ADGB: variants seen among roughly 807,000 people sequenced by gnomAD.
ADGB encodes the protein androglobin, also known as calpain-7-like protein.
ADGB carries 172 observed loss-of-function variants against 210.5 expected under a neutral mutation model. The observed-to-expected ratio is 0.82, with a 90% CI of 0.72 to 0.93. ADGB has a LOEUF of 0.93. Ranked by LOEUF, ADGB falls within the 40% of genes least tolerant of loss-of-function variation. ADGB has a pLI of 0.00. For missense variants in ADGB, 2,025 were observed against 1,964.8 expected (o/e 1.03, Z -0.58); for synonymous variants, 658 against 662.7 (o/e 0.99, Z 0.11).
intron 9 of ADGB, among the ~76,000 whole-genome samples, chr6:146,685,008 T>C (rs953148748): frequency 1.3e-5 from 2 of 152,058 alleles, no homozygotes; most frequent in African/African-American, 4.8e-5. Context: ...TATTCTTTTG[T>C]AAACATAGTA....
intron 27 of ADGB, among the ~76,000 whole-genome samples, chr6:146,758,462 T>G (rs1777441512): frequency 6.6e-6 from 1 of 152,070 alleles, no homozygotes. Flanking sequence ...GTTTATAGTT[T>G]GTCATCTAGT....
chr6:146,660,834 T>C (rs945959216), intron 5 of ADGB, among the ~76,000 whole-genome samples: 5 of 152,222 alleles, frequency 3.3e-5, no homozygotes, highest in African/African-American at 9.6e-5. Flanking sequence ...ACTCTTGTAT[T>C]TTAATTTGTC....
intron 3 of ADGB, among the ~76,000 whole-genome samples, chr6:146,649,362 A>C (rs1157411056): frequency 6.6e-6 from 1 of 152,136 alleles, no homozygotes; most frequent in Non-Finnish European, 1.5e-5. Context: ...GGCTGGGTTG[A>C]TAGTCTCACA....
chr6:146,801,232 A>G lies in ADGB; in HGVS notation c.4587A>G (p.Arg1529=). Residue 1529 remains arginine (R), a synonymous_variant, in exon 34 of 36, where the codon CGA becomes CGG. Transcript: ENST00000397944. The part of the protein sequence containing the change: ...RSPTILETSP[R]LIRKALEFMD... ...CAACAATTTTGGAAACATCTCCACG[A>G]CTTATTCGAAAAGCACTAGAATTTA... 6.6e-7 allele frequency: 1 copy of G among 1,515,298 alleles called. No individual in the cohort carries two copies. Among genetic ancestry groups the G allele is most frequent in the Middle Eastern group, 1.7e-4 (1 of 5,892 alleles). 93.9% of individuals were successfully genotyped at this position (1,515,298 alleles called of 1,614,324 possible). A position where few individuals can be genotyped will look rare whatever the true frequency, so the allele number is the denominator to read the frequency against.
intron 29 of ADGB, among the ~76,000 whole-genome samples, chr6:146,781,594 A>G (rs1192409590): frequency 1.3e-5 from 2 of 152,118 alleles, no homozygotes; most frequent in Non-Finnish European, 2.9e-5. Flanking sequence ...AAAAAACTAG[A>G]AAACTAGAAA....
In ADGB at chr6:146,650,213, C is replaced by A. The variant is rs557962557; in HGVS notation, c.331-3922C>A. 7.9e-5 allele frequency among the ~76,000 whole-genome samples: 12 copies of A among 152,164 alleles called. No homozygotes were observed. The South Asian group carries it at 2.5e-3, about 32-fold the overall frequency. ...TTAAAAACATGTTTTATCCTTTTGT[C>A]TTCTGTTTTAAATGAGTTTCCAATG... On this transcript the variant is annotated intron_variant, in intron 3 of 35. Transcript: ENST00000397944.
At chr6:146,732,114 G>A (rs1160601588) in intron 20 of ADGB, among the ~76,000 whole-genome samples, 1 of 152,074 alleles carries the variant, frequency 6.6e-6, no homozygotes, top group Non-Finnish European at 1.5e-5. Flanking sequence ...TATATATTAG[G>A]ACCAACATGT....
At chr6:146,744,397 A>G (rs1396519720) in intron 25 of ADGB, among the ~76,000 whole-genome samples, 3 of 152,180 alleles carry the variant, frequency 2.0e-5, no homozygotes, top group Non-Finnish European at 2.9e-5. Context: ...CCTGCCCGAA[A>G]TTCATAAACA....
At chr6:146,804,505 C>A (rs1301315980) in intron 35 of ADGB, among the ~76,000 whole-genome samples, 1 of 152,112 alleles carries the variant, frequency 6.6e-6, no homozygotes, top group African/African-American at 2.4e-5. Flanking sequence ...TTCTCCATCT[C>A]GGTCAATACC....
chr6:146,718,962 G>A (rs1583604430), intron 16 of ADGB, among the ~76,000 whole-genome samples: 1 of 152,160 alleles, frequency 6.6e-6, no homozygotes, highest in South Asian at 2.1e-4. Flanking sequence ...ATTGGGAATA[G>A]TTTAACCCAG....
intron 12 of ADGB, among the ~76,000 whole-genome samples, chr6:146,695,588 G>T (rs1032203674): frequency 6.6e-6 from 1 of 151,652 alleles, no homozygotes; most frequent in Admixed American, 6.6e-5. Context: ...ATGGGGCTAT[G>T]TAAAATTTTT....
intron 28 of ADGB, among the ~76,000 whole-genome samples, chr6:146,766,597 T>C (rs1319453305): frequency 2.0e-5 from 3 of 151,974 alleles, no homozygotes; most frequent in Admixed American, 2.0e-4. Context: ...AATAATAAAA[T>C]TGAAACGATA....
At chr6:146,713,397 T>G (rs577652830) in intron 13 of ADGB, among the ~76,000 whole-genome samples, 3 of 149,972 alleles carry the variant, frequency 2.0e-5, no homozygotes, top group African/African-American at 7.6e-5. Context: ...TTACCAACAT[T>G]TATTATTTTC....
rs139344150 is a variant in ADGB at position 146,794,553 on chromosome 6, T to C, written c.4537+5943T>C. Among the ~76,000 whole-genome samples the C allele has an allele frequency of 3.7e-3, 569 of 152,278 alleles. 2 individuals carry two copies. Among genetic ancestry groups the C allele is most frequent in the Non-Finnish European group, 6.9e-3 (469 of 68,034 alleles). On this transcript the variant is annotated intron_variant, in intron 33 of 35. Coordinates refer to ENST00000397944, the MANE Select transcript of ADGB (RefSeq NM_024694.4). Reference sequence around the variant, plus strand: ...TGAATGAGTTATAACTTCTAACAAATTATAAATTAAGCAATTTTCAATATT... The same window carrying C: ...TGAATGAGTTATAACTTCTAACAAACTATAAATTAAGCAATTTTCAATATT...
At chr6:146,742,180 C>T (rs73786728) in intron 25 of ADGB, among the ~76,000 whole-genome samples, 3,233 of 151,956 alleles carry the variant, frequency 0.021, 105 homozygotes, top group African/African-American at 0.073. Flanking sequence ...AAAATAAGGG[C>T]AATTAAATTT....
chr6:146,807,406 C>T (rs547397266), intron 35 of ADGB: 489 of 1,551,138 alleles, frequency 3.2e-4, no homozygotes, highest in Non-Finnish European at 4.1e-4. Context: ...GAACAGGACT[C>T]CTTAGATGAA....
At chr6:146,745,752 GCTTT>G (rs1232006743) in intron 25 of ADGB, among the ~76,000 whole-genome samples, 166 bp from the exon 26 acceptor site, 1 of 152,170 alleles carries the variant, frequency 6.6e-6, no homozygotes, top group Non-Finnish European at 1.5e-5. Flanking sequence ...GTAGGATAGT[GCTTT>G]CTAAGAGAAA....
At chr6:146,772,704 T>C (rs1445899487) in intron 29 of ADGB, among the ~76,000 whole-genome samples, 1 of 150,302 alleles carries the variant, frequency 6.7e-6, no homozygotes, top group African/African-American at 2.4e-5. Context: ...TAAATACCTG[T>C]GTATATTTTC....
intron 3 of ADGB, among the ~76,000 whole-genome samples, chr6:146,647,659 A>G (rs565963243): frequency 1.3e-5 from 2 of 152,116 alleles, no homozygotes; most frequent in South Asian, 4.1e-4. Context: ...ACATTTTAGC[A>G]TCAGGCCACA....
Sources: gnomAD v4.1 joint callset for allele counts (sites outside exome capture counted in the v4.1 genomes callset) on GRCh38, gnomAD v4.1.1 for gene constraint, MANE v1.5 for transcripts, NCBI Gene and HGNC (gene_info 2026-07-23, HGNC 2026-07-21) for gene names.